The following ZNF414 variants were observed in gnomAD, a reference collection of about 807,000 sequenced individuals.
The protein encoded by ZNF414 is zinc finger protein 414.
ZNF414 carries 32 observed loss-of-function variants against 38.3 expected under a neutral mutation model. The observed-to-expected ratio is 0.83, with a 90% CI of 0.63 to 1.12. ZNF414 has a LOEUF of 1.12. Among genes scored for constraint, ZNF414 ranks in the 50% most tolerant of loss-of-function variants. The pLI is 0.00. For synonymous variants in ZNF414, 256 were observed against 248.0 expected (o/e 1.03, Z -0.30); for missense variants, 589 against 557.4 (o/e 1.06, Z -0.57).
intron 7 of ZNF414, 29 bp downstream of exon 7, chr19:8,510,822 C>T (rs926449691): frequency 6.8e-7 from 1 of 1,473,160 alleles, no homozygotes; most frequent in African/African-American, 1.4e-5. Flanking sequence ...CCCCGCCCCC[C>T]TCTCCACCCG....
Position 8,511,841 on chromosome 19 carries a change from G to A in ZNF414, c.650C>T (p.Pro217Leu). 7.1e-7 allele frequency: 1 copy of A among 1,401,166 alleles called. No individual in the cohort carries two copies. The highest frequency in any genetic ancestry group is 1.7e-5 in the South Asian group (1 of 60,360). 86.8% of individuals were successfully genotyped at this position (1,401,166 alleles called of 1,614,324 possible). ...CTCCGGGGGGCGCTCCGGCGCGGGCGGCTCTCGGTCCAGGGCCGGGGGTGG... is the reference window on the plus strand; with the variant it reads ...CTCCGGGGGGCGCTCCGGCGCGGGCAGCTCTCGGTCCAGGGCCGGGGGTGG... ...PPPPPALDRE[P>L]PAPERPPEVD... The change falls in exon 5 of 8, where the codon CCG becomes CTG. Residue 217 changes from proline to leucine, a missense_variant. Transcript: ENST00000393927.
intron 6 of ZNF414, 175 bp downstream of exon 6, chr19:8,511,311 A>G: frequency 2.1e-6 from 3 of 1,436,620 alleles, no homozygotes; most frequent in Non-Finnish European, 2.7e-6. Flanking sequence ...ACGCCGGCGC[A>G]GATGAAGGCG....
At position 8,511,670 on chromosome 19, in the gene ZNF414, G is replaced by A. The variant is rs752042161; in HGVS notation, c.821C>T (p.Ala274Val). 32 of 1,501,506 alleles carry A rather than the reference G, an allele frequency of 2.1e-5. No homozygotes were observed. Among genetic ancestry groups the A allele is most frequent in the Non-Finnish European group, 2.7e-5 (30 of 1,129,780 alleles). 93.0% of individuals were successfully genotyped at this position (1,501,506 alleles called of 1,614,324 possible). The change falls in exon 5 of 8, where the codon GCC becomes GTC. Residue 274 changes from alanine to valine, a missense_variant. Ala to Val is a moderately conservative substitution (Grantham distance 64). Coordinates refer to ENST00000393927, the MANE Select transcript of ZNF414 (RefSeq NM_001146175.2). ...GGAAGCCGGCGGCCCGGGTGCAGCGGCCAGGAAGGGGCGCAGGCGCGGGGG... is the reference window on the plus strand; with the variant it reads ...GGAAGCCGGCGGCCCGGGTGCAGCGACCAGGAAGGGGCGCAGGCGCGGGGG... The part of the protein sequence containing the change: ...LSPPRLRPFL[A>V]AAPGPPASSA...
rs1599891980 is a variant in ZNF414, at chr19:8,512,500, G to A, written c.425-8C>T. 1 of 1,614,074 alleles carries A rather than the reference G, an allele frequency of 6.2e-7. No individual in the cohort carries two copies. Among genetic ancestry groups the A allele is most frequent in the East Asian group, 2.2e-5 (1 of 44,892 alleles). ...AGCAGCGGAAGAGCTTGCCTGGTAG[G>A]GATGAAGGACAGAGAAGTGGAGACA... is the stretch of plus-strand genomic sequence containing the variant. On this transcript the variant is annotated splice_polypyrimidine_tract_variant and splice_region_variant and intron_variant, in intron 3 of 7. Coordinates refer to ENST00000393927, the MANE Select transcript of ZNF414 (RefSeq NM_001146175.2).
In ZNF414 at chr19:8,510,903, G is replaced by T; in HGVS notation, c.1047C>A (p.Pro349=). ...CGGCCGCGGGGGCCGCGGGGGCGCC[G>T]GGGCGGTGGTCCTCCAGGTGCAGGG... The part of the protein sequence containing the change: ...AMTLHLEDHR[P]GAPAAPAAGP... Residue 349 remains proline (P), a synonymous_variant, in exon 7 of 8, where the codon CCC becomes CCA. Transcript: ENST00000393927. The T allele has an allele frequency of 8.5e-7, 1 of 1,179,846 alleles. No individual in the cohort carries two copies. The highest frequency in any genetic ancestry group is 3.7e-5 in the East Asian group (1 of 26,704). 73.1% of individuals were successfully genotyped at this position (1,179,846 alleles called of 1,614,324 possible). A position where few individuals can be genotyped will look rare whatever the true frequency, so the allele number is the denominator to read the frequency against.
At chr19:8,511,588 C>G in intron 5 of ZNF414, 29 bp downstream of exon 5, 1 of 1,529,156 alleles carries the variant, frequency 6.5e-7, no homozygotes, top group Non-Finnish European at 8.8e-7. Flanking sequence ...CCAGCCAGCC[C>G]TCCTGGAGGC....
intron 6 of ZNF414, 28 bp downstream of exon 6, chr19:8,511,458 C>T (rs1206530966): frequency 2.5e-6 from 4 of 1,608,182 alleles, no homozygotes; most frequent in Non-Finnish European, 2.5e-6. Context: ...AGCCCCTCCA[C>T]CCCTCCCTGG....
Position 8,513,360 on chromosome 19 carries a change from G to A in ZNF414, c.4-19C>T, listed in dbSNP as rs1568323473. ...TCTCCTCCTGGTGGAAGGAAGAGGC[G>A]GAGAGAACCCTTCTGGGCTCTGGGT... is the stretch of plus-strand genomic sequence containing the variant. On this transcript the variant is annotated intron_variant, in intron 1 of 7. Coordinates refer to ENST00000393927, the MANE Select transcript of ZNF414 (RefSeq NM_001146175.2). 5.8e-6 allele frequency: 9 copies of A among 1,555,890 alleles called. No homozygotes were observed. Among genetic ancestry groups the A allele is most frequent in the African/African-American group, 1.4e-5 (1 of 73,680 alleles).
rs1240831516 is a variant in ZNF414 at position 8,511,878 on chromosome 19, G to C, written c.613C>G (p.Pro205Ala). Residue 205 changes from proline (P) to alanine (A), a missense_variant, in exon 5 of 8, where the codon CCA becomes GCA. Pro to Ala is a conservative substitution (Grantham distance 27). Transcript: ENST00000393927. ...LHVCAEHAQS[P>A]APPPPPALDR... is the part of the protein sequence containing the mutation. Reference sequence around the variant, plus strand: ...AGGGCCGGGGGTGGCGGCGGGGCTGGGCTCTGCGCATGCTCCGCGCAAACA... The same window carrying C: ...AGGGCCGGGGGTGGCGGCGGGGCTGCGCTCTGCGCATGCTCCGCGCAAACA... 1.4e-6 allele frequency: 2 copies of C among 1,407,670 alleles called. No individual in the cohort carries two copies. The highest frequency in any genetic ancestry group is 3.0e-5 in the African/African-American group (2 of 66,882). 87.2% of individuals were successfully genotyped at this position (1,407,670 alleles called of 1,614,324 possible).
rs148434673 is a variant in ZNF414 at position 8,510,496 on chromosome 19, G to A, written c.*195C>T. 3.7e-3 allele frequency: 1,871 copies of A among 499,520 alleles called. 34 individuals are homozygous for A. The highest frequency in any genetic ancestry group is 0.033 in the African/African-American group (1,655 of 49,722). 30.9% of individuals were successfully genotyped at this position (499,520 alleles called of 1,614,324 possible). A position where few individuals can be genotyped will look rare whatever the true frequency, so the allele number is the denominator to read the frequency against. On this transcript the variant is annotated 3_prime_UTR_variant, in exon 8 of 8. Coordinates refer to ENST00000393927, the MANE Select transcript of ZNF414 (RefSeq NM_001146175.2). ...AGGCCTGCACCTGTGGACCCAGGTG[G>A]TCCTCCCAAGATGTGATCAATCCAT...
At position 8,510,957 on chromosome 19, in the gene ZNF414, G is replaced by T; in HGVS notation, c.993C>A (p.Ala331=). ...TRGRYSCMQC[A]FSTASRPAMT... ...TGGCGGGCCGCGAGGCCGTGGAGAA[G>T]GCGCACTGCATGCACGAGTAGCGGC... The change falls in exon 7 of 8, where the codon GCC becomes GCA. Residue 331 remains alanine (A), a synonymous_variant. Transcript: ENST00000393927. 1.0e-5 allele frequency: 13 copies of T among 1,255,706 alleles called. No individual in the cohort carries two copies. Among genetic ancestry groups the T allele is most frequent in the Non-Finnish European group, 1.2e-5 (12 of 999,238 alleles). 77.8% of individuals were successfully genotyped at this position (1,255,706 alleles called of 1,614,324 possible).
chr19:8,510,726 A>C lies in ZNF414; in HGVS notation c.1138T>G (p.Ser380Ala). 6.5e-7 allele frequency: 1 copy of C among 1,549,556 alleles called. No individual in the cohort carries two copies. The highest frequency in any genetic ancestry group is 8.7e-7 in the Non-Finnish European group (1 of 1,145,866). The change falls in exon 8 of 8, where the codon TCA becomes GCA. Residue 380 changes from serine to alanine, a missense_variant. By Grantham distance (99) the Ser-to-Ala change is moderately conservative. Coordinates refer to ENST00000393927, the MANE Select transcript of ZNF414 (RefSeq NM_001146175.2). Reference sequence around the variant, plus strand: ...GAGAACACTGGAAGCTCCCCCTCTGACAGCAGCGGCGACACCTTGGGTGCA... The same window carrying C: ...GAGAACACTGGAAGCTCCCCCTCTGCCAGCAGCGGCGACACCTTGGGTGCA... ...PLAPKVSPLLSEGELPVFSQL is the reference protein window; with the variant it reads ...PLAPKVSPLLAEGELPVFSQL
chr19:8,511,974 G>A lies in ZNF414; in HGVS notation c.531-14C>T. 15 of 1,413,950 alleles carry A rather than the reference G, an allele frequency of 1.1e-5. No individual in the cohort carries two copies. The highest frequency in any genetic ancestry group is 1.4e-5 in the Non-Finnish European group (15 of 1,093,064). 87.6% of individuals were successfully genotyped at this position (1,413,950 alleles called of 1,614,324 possible). ...CAGTTCTCACACCTGGAGGTGGGCA[G>A]AGGGCTGGGCTGGGCTGGGCCTCCA... On this transcript the variant is annotated splice_polypyrimidine_tract_variant and intron_variant, in intron 4 of 7. Coordinates refer to ENST00000393927, the MANE Select transcript of ZNF414 (RefSeq NM_001146175.2).
At chr19:8,513,978 C>G in intron 1 of ZNF414, 66 bp downstream of exon 1, 1 of 1,378,242 alleles carries the variant, frequency 7.3e-7, no homozygotes, top group South Asian at 1.6e-5. Flanking sequence ...GCTGTAGGCG[C>G]GACAGGGCCG....
At position 8,514,101 on chromosome 19, in the gene ZNF414, G is replaced by T; in HGVS notation, c.-55C>A. The T allele has an allele frequency of 1.4e-6, 2 of 1,455,512 alleles. No homozygotes were observed. The highest frequency in any genetic ancestry group is 1.5e-5 in the African/African-American group (1 of 68,074). 90.2% of individuals were successfully genotyped at this position (1,455,512 alleles called of 1,614,324 possible). ...CGGCTCCGGCGGCTGCAGCTTAGGC[G>T]GCGGCCACCCTCTGGGCAGTGCGAG... On this transcript the variant is annotated 5_prime_UTR_variant, in exon 1 of 8. Transcript: ENST00000393927.
chr19:8,511,671 C>A lies in ZNF414; in HGVS notation c.820G>T (p.Ala274Ser). 6.7e-7 allele frequency: 1 copy of A among 1,500,656 alleles called. No homozygotes were observed. Among genetic ancestry groups the A allele is most frequent in the Admixed American group, 2.4e-5 (1 of 40,860 alleles). 93.0% of individuals were successfully genotyped at this position (1,500,656 alleles called of 1,614,324 possible). A position where few individuals can be genotyped will look rare whatever the true frequency, so the allele number is the denominator to read the frequency against. The change falls in exon 5 of 8, where the codon GCC (alanine) becomes TCC (serine). Residue 274 changes from alanine (A) to serine (S), a missense_variant. Physicochemically the swap from Ala to Ser is moderately conservative, Grantham distance 99. Transcript: ENST00000393927. Reference protein sequence around the residue: ...LSPPRLRPFLAAAPGPPASSA... With the variant: ...LSPPRLRPFLSAAPGPPASSA... The stretch of plus-strand genomic sequence containing the variant: ...GAAGCCGGCGGCCCGGGTGCAGCGG[C>A]CAGGAAGGGGCGCAGGCGCGGGGGG...
Position 8,511,528 on chromosome 19 carries a change from T to A in ZNF414, c.883A>T (p.Ser295Cys), listed in dbSNP as rs1379173622. ...CCGCCCTGGGGTCTTCGGGGGCTGC[T>A]GCCAGCACCTGCGGTAAAGGGGCGG... ...AVWKKSQGAGSSPRRPQGGSD... is the reference protein window; with the variant it reads ...AVWKKSQGAGCSPRRPQGGSD... Residue 295 changes from serine (S) to cysteine (C), a missense_variant, in exon 6 of 8, where the codon AGC becomes TGC. By Grantham distance (112) the Ser-to-Cys change is moderately radical. Transcript: ENST00000393927. 6.2e-7 allele frequency: 1 copy of A among 1,601,194 alleles called. No individual in the cohort carries two copies.
At chr19:8,512,554 C>T (rs747150767) in intron 3 of ZNF414, 50 bp downstream of exon 3, 37 of 1,607,868 alleles carry the variant, frequency 2.3e-5, no homozygotes, top group East Asian at 6.7e-5. Context: ...CGAGGGGCTC[C>T]GCCTGTTTCC....
chr19:8,511,629 TC>T lies in ZNF414; in HGVS notation c.861del (p.Trp287Ter). On this transcript the variant is annotated frameshift_variant, in exon 5 of 8. Transcript: ENST00000393927. LOFTEE classifies it high-confidence loss of function. ...ACCCCACACTCACCTTGGCTCTTTT[TC>T]CAGACGGCGGCGCTGGAAGCCGGCG... The part of the protein sequence containing the change: ...PGPPASSAAV[W>X]KKSQGAGSSP... 6.6e-7 allele frequency: 1 copy of T among 1,511,220 alleles called. No homozygotes were observed. The highest frequency in any genetic ancestry group is 8.8e-7 in the Non-Finnish European group (1 of 1,133,570). 93.6% of individuals were successfully genotyped at this position (1,511,220 alleles called of 1,614,324 possible).
Sources: allele counts gnomAD v4.1 joint callset, GRCh38; gene constraint gnomAD v4.1.1; transcripts MANE v1.5; gene names NCBI Gene and HGNC (gene_info 2026-07-23, HGNC 2026-07-21).